The following KAZN variants were observed in gnomAD, a reference collection of about 807,000 sequenced individuals.
The protein encoded by KAZN is kazrin, periplakin interacting protein.
KAZN carries 40 observed loss-of-function variants against 87.4 expected under a neutral mutation model. The observed-to-expected ratio is 0.46, with a 90% CI of 0.36 to 0.60. KAZN has a LOEUF of 0.60. KAZN is among the 20% of genes least tolerant of loss of function. KAZN has a pLI of 0.00. For missense variants in KAZN, 898 were observed against 1,073.9 expected (o/e 0.84, Z 2.29); for synonymous variants, 466 against 458.3 (o/e 1.02, Z -0.22).
At chr1:14,941,628 T>A (rs1661093232) in intron 1 of KAZN, among the ~76,000 whole-genome samples, 1 of 152,152 alleles carries the variant, frequency 6.6e-6, no homozygotes, top group Non-Finnish European at 1.5e-5. Context: ...CAGGTGTACA[T>A]GCAGAGAAGA....
At chr1:14,964,789 T>C (rs1179116454) in intron 2 of KAZN, among the ~76,000 whole-genome samples, 1 of 152,194 alleles carries the variant, frequency 6.6e-6, no homozygotes, top group African/African-American at 2.4e-5. Context: ...TCTTTGTGTT[T>C]GAATGAGACC....
chr1:14,236,422 G>C (rs1003613827), intron 2 of KAZN, among the ~76,000 whole-genome samples: 14 of 152,222 alleles, frequency 9.2e-5, no homozygotes, highest in Admixed American at 7.8e-4. Context: ...GATAACTCAG[G>C]GTAGGAAAAT....
chr1:14,737,974 C>T (rs761188043), intron 1 of KAZN, among the ~76,000 whole-genome samples: 8 of 152,128 alleles, frequency 5.3e-5, no homozygotes, highest in African/African-American at 7.2e-5. Flanking sequence ...AGAATAGAAG[C>T]GAAATCCCAT....
intron 2 of KAZN, among the ~76,000 whole-genome samples, chr1:14,542,639 G>A (rs1001491199): frequency 6.6e-5 from 10 of 152,160 alleles, no homozygotes; most frequent in South Asian, 2.1e-4. Context: ...GGTTTGGAGT[G>A]CAGATCCCGT....
intron 2 of KAZN, among the ~76,000 whole-genome samples, chr1:14,346,776 T>C (rs2794612): frequency 0.95 from 144,294 of 152,162 alleles, 68,528 homozygotes; most frequent in South Asian, 0.98. Context: ...GATTTACCTG[T>C]GAGGTGTCTA....
chr1:14,727,450 C>A (rs1212639051), intron 1 of KAZN, among the ~76,000 whole-genome samples: 2 of 73,910 alleles, frequency 2.7e-5, no homozygotes, highest in African/African-American at 1.0e-4. Flanking sequence ...TGTGCACTTT[C>A]TTTTTTTTTT....
chr1:14,243,794 G>A (rs537324541), intron 2 of KAZN, among the ~76,000 whole-genome samples: 11 of 152,330 alleles, frequency 7.2e-5, no homozygotes, highest in Admixed American at 6.5e-4. Flanking sequence ...GGGGAAAGGA[G>A]TGTCTAATCT....
At chr1:14,927,887 T>C (rs1266402095) in intron 1 of KAZN, among the ~76,000 whole-genome samples, 2 of 152,184 alleles carry the variant, frequency 1.3e-5, no homozygotes, top group Non-Finnish European at 2.9e-5. Context: ...TTGTGTGTCT[T>C]TGTCTTTGTG....
chr1:14,231,777 T>C (rs1647876047), intron 2 of KAZN, among the ~76,000 whole-genome samples: 1 of 152,188 alleles, frequency 6.6e-6, no homozygotes, highest in Admixed American at 6.6e-5. Flanking sequence ...AATAGATAAT[T>C]CTCCAAATCT....
Position 14,599,133 on chromosome 1 carries a change from C to G in KAZN, c.136C>G (p.Pro46Ala). Residue 46 changes from proline to alanine, a missense_variant, in exon 1 of 15, where the codon CCC (proline) becomes GCC (alanine). Pro to Ala is a conservative substitution (Grantham distance 27). Around this residue, in one of 3 missense-constraint regions of KAZN, gnomAD observed 250 missense variants for 263.0 expected, o/e 0.95. Transcript: ENST00000376030. The surrounding 1 kb of genome is among the most constrained non-coding windows in gnomAD (Gnocchi z 4.4). ...RLAELSGGGG[P>A]GPGPGAAASA... ...GGCGGAACTGAGCGGCGGCGGCGGC[C>G]CCGGCCCGGGCCCGGGAGCCGCGGC... 4.7e-6 allele frequency: 7 copies of G among 1,495,764 alleles called. No individual in the cohort carries two copies. Among genetic ancestry groups the G allele is most frequent in the Non-Finnish European group, 6.2e-6 (7 of 1,126,718 alleles). 92.7% of individuals were successfully genotyped at this position (1,495,764 alleles called of 1,614,324 possible). A position where few individuals can be genotyped will look rare whatever the true frequency, so the allele number is the denominator to read the frequency against.
At chr1:14,552,995 T>C (rs11803051) in intron 2 of KAZN, among the ~76,000 whole-genome samples, 59,228 of 151,878 alleles carry the variant, frequency 0.39, 13,082 homozygotes, top group African/African-American at 0.61. Context: ...CTCAGCACAA[T>C]TAGCCGTGCC....
intron 1 of KAZN, among the ~76,000 whole-genome samples, chr1:13,896,984 G>C (rs1212968789): frequency 6.6e-6 from 1 of 152,158 alleles, no homozygotes; most frequent in Admixed American, 6.5e-5. Flanking sequence ...GAGCATGAAG[G>C]TCTGGTGGGG....
At chr1:13,931,582 A>C (rs1640515252) in intron 1 of KAZN, among the ~76,000 whole-genome samples, 1 of 152,144 alleles carries the variant, frequency 6.6e-6, no homozygotes, top group Admixed American at 6.6e-5. Flanking sequence ...AGAAGCAATC[A>C]TGCCTTATGC....
intron 2 of KAZN, among the ~76,000 whole-genome samples, chr1:14,519,781 A>G (rs1016974309): frequency 6.6e-6 from 1 of 152,128 alleles, no homozygotes; most frequent in African/African-American, 2.4e-5. Flanking sequence ...GAGATGCAGG[A>G]GGATCCCCAG....
chr1:14,626,915 C>G (rs1245138367), intron 1 of KAZN, among the ~76,000 whole-genome samples: 1 of 152,168 alleles, frequency 6.6e-6, no homozygotes, highest in African/African-American at 2.4e-5. Context: ...GGGAAGCCTT[C>G]CAGACTCTGC....
chr1:14,295,726 T>G (rs1242891448), intron 2 of KAZN, among the ~76,000 whole-genome samples: 1 of 152,108 alleles, frequency 6.6e-6, no homozygotes, highest in East Asian at 1.9e-4. Flanking sequence ...TTCCCAAACA[T>G]TTTTGAGATC....
chr1:14,275,655 T>A (rs1325853219), intron 2 of KAZN, among the ~76,000 whole-genome samples: 2 of 152,200 alleles, frequency 1.3e-5, no homozygotes, highest in East Asian at 3.8e-4. Flanking sequence ...CGATTTACTA[T>A]CTGTTGGTGA....
rs113864662 is a variant in KAZN at position 14,859,475 on chromosome 1, A to T, written c.227-101209A>T. ...TTAACCACTATCTACATGATTGTGT[A>T]CATTTTTGAAAATCCGGCTCAAATC... On this transcript the variant is annotated intron_variant, in intron 1 of 14. Coordinates refer to ENST00000376030, the MANE Select transcript of KAZN (RefSeq NM_201628.3). Among the ~76,000 whole-genome samples the T allele has an allele frequency of 4.9e-4, 75 of 152,314 alleles. 2 individuals carry two copies. The highest frequency in any genetic ancestry group is 2.1e-4 in the South Asian group (1 of 4,824).
intron 2 of KAZN, among the ~76,000 whole-genome samples, chr1:14,315,117 A>G (rs1389161754): frequency 2.0e-5 from 3 of 152,164 alleles, no homozygotes; most frequent in Non-Finnish European, 2.9e-5. Context: ...ATTATGAATA[A>G]TGCTGTTATA....
Sources: allele counts gnomAD v4.1 joint callset (sites outside exome capture counted in the v4.1 genomes callset), GRCh38; gene constraint gnomAD v4.1.1; regional missense constraint gnomAD v4.1.1; non-coding constraint Gnocchi (gnomAD v3.1); transcripts MANE v1.5; gene names NCBI Gene and HGNC (gene_info 2026-07-23, HGNC 2026-07-21).